RAB39A: variants seen among roughly 807,000 people sequenced by gnomAD.
The protein encoded by RAB39A is RAB39A, member RAS oncogene family, also known as ras-related protein Rab-39A.
Under a neutral mutation model 20.9 loss-of-function variants are expected in RAB39A, and 17 were observed. That is an observed-to-expected ratio of 0.81 (90% confidence interval 0.56 to 1.22). The LOEUF is 1.22. RAB39A is among the 50% of genes most tolerant of loss of function. The probability of loss-of-function intolerance (pLI) is 0.00; values close to 1 mark genes in which losing one functional copy is unlikely to be tolerated. For missense variants in RAB39A, 234 were observed against 270.5 expected (o/e 0.87, Z 0.95); for synonymous variants, 99 against 103.4 (o/e 0.96, Z 0.26).
At chr11:107,956,232 A>G (rs10789644) in intron 1 of RAB39A, among the ~76,000 whole-genome samples, 137,829 of 152,208 alleles carry the variant, frequency 0.91, 62,756 homozygotes, top group Non-Finnish European at 0.96. Context: ...TATTTCTCCT[A>G]TTTTCACAAC....
At chr11:107,943,341 G>T (rs2134959780) in intron 1 of RAB39A, among the ~76,000 whole-genome samples, 1 of 152,226 alleles carries the variant, frequency 6.6e-6, no homozygotes, top group Non-Finnish European at 1.5e-5. Context: ...GGAGGCCCAG[G>T]TGGGCGGATC....
chr11:107,951,908 C>T (rs906709824), intron 1 of RAB39A, among the ~76,000 whole-genome samples: 5 of 152,152 alleles, frequency 3.3e-5, no homozygotes, highest in Non-Finnish European at 5.9e-5. Context: ...ATATCATTTA[C>T]ATTTTTTAGA....
chr11:107,958,511 C>T (rs1301748241), intron 1 of RAB39A, among the ~76,000 whole-genome samples: 1 of 152,184 alleles, frequency 6.6e-6, no homozygotes, highest in African/African-American at 2.4e-5. Flanking sequence ...TTGATAGCAA[C>T]AGTGCCCAAT....
Position 107,962,700 on chromosome 11 carries a change from A to G in RAB39A, c.*328A>G, listed in dbSNP as rs1861511446. ...AGTTCAAATGGATTTTTGTGCATAT[A>G]TAGTCAATTGAAAAGATTTTATCAG... On this transcript the variant is annotated 3_prime_UTR_variant, in exon 2 of 2. Transcript: ENST00000320578. The G allele has an allele frequency of 4.9e-6, 1 of 202,196 alleles. No homozygotes were observed. Among genetic ancestry groups the G allele is most frequent in the Non-Finnish European group, 1.0e-5 (1 of 99,374 alleles). The allele number at this position is 202,196 out of a possible 1,614,324, so 12.5% of individuals were successfully genotyped here.
At chr11:107,941,230 A>G (rs969267865) in intron 1 of RAB39A, among the ~76,000 whole-genome samples, 3 of 152,144 alleles carry the variant, frequency 2.0e-5, no homozygotes, top group Non-Finnish European at 2.9e-5. Context: ...CTTTTAATAT[A>G]CTAATACACA....
In RAB39A at chr11:107,930,771, G is replaced by A. The variant is rs182301351; in HGVS notation, c.227+1976G>A. On this transcript the variant is annotated intron_variant, in intron 1 of 1. Transcript: ENST00000320578. ...CTCAGGAGGCTGAGGCAGGAGAATC[G>A]CTTGAACCTGGGAGGCAGAGTTTGC... Among the ~76,000 whole-genome samples the A allele has an allele frequency of 3.1e-3, 476 of 151,932 alleles. 1 individual carries two copies. The highest frequency in any genetic ancestry group is 0.014 in the Middle Eastern group (4 of 294).
At chr11:107,954,922 A>T (rs960029084) in intron 1 of RAB39A, among the ~76,000 whole-genome samples, 1 of 151,920 alleles carries the variant, frequency 6.6e-6, no homozygotes, top group African/African-American at 2.4e-5. Flanking sequence ...AGTCTCTATC[A>T]AAGCCAAGTT....
At chr11:107,954,934 T>C (rs1397242638) in intron 1 of RAB39A, among the ~76,000 whole-genome samples, 2 of 150,988 alleles carry the variant, frequency 1.3e-5, no homozygotes, top group Non-Finnish European at 2.9e-5. Flanking sequence ...AGCCAAGTTA[T>C]AAGCCAAGAA....
At chr11:107,932,848 C>A (rs796180778) in intron 1 of RAB39A, among the ~76,000 whole-genome samples, 7 of 152,172 alleles carry the variant, frequency 4.6e-5, no homozygotes, top group African/African-American at 1.7e-4. Context: ...GTAGCTGGGA[C>A]TACAGGTGTG....
intron 1 of RAB39A, among the ~76,000 whole-genome samples, chr11:107,951,347 G>GGC (rs932482314): frequency 6.6e-6 from 1 of 152,148 alleles, no homozygotes; most frequent in Non-Finnish European, 1.5e-5. Context: ...ATGTCATGCT[G>GGC]AAAAACAGGC....
At chr11:107,934,929 CAAAAAAA>C (rs55682157) in intron 1 of RAB39A, among the ~76,000 whole-genome samples, 2 of 101,640 alleles carry the variant, frequency 2.0e-5, no homozygotes, top group African/African-American at 7.6e-5. Flanking sequence ...GACTTCGTCT[CAAAAAAA>C]AAAAAAAAAA....
At chr11:107,933,901 C>G (rs1273141799) in intron 1 of RAB39A, among the ~76,000 whole-genome samples, 2 of 152,100 alleles carry the variant, frequency 1.3e-5, no homozygotes, top group East Asian at 3.9e-4. Context: ...AGTGATCCAC[C>G]CGCCTCAGCC....
intron 1 of RAB39A, among the ~76,000 whole-genome samples, chr11:107,931,614 ATATTT>A (rs1861137809): frequency 6.6e-6 from 1 of 152,172 alleles, no homozygotes; most frequent in Non-Finnish European, 1.5e-5. Context: ...ATATCATTGC[ATATTT>A]TATTTTATAG....
intron 1 of RAB39A, among the ~76,000 whole-genome samples, chr11:107,941,727 T>C (rs1358380584): frequency 6.6e-6 from 1 of 152,110 alleles, no homozygotes; most frequent in African/African-American, 2.4e-5. Flanking sequence ...ATTTCTTAGA[T>C]ATAAAAAGGC....
chr11:107,953,548 G>A (rs1861403735), intron 1 of RAB39A, among the ~76,000 whole-genome samples: 1 of 152,124 alleles, frequency 6.6e-6, no homozygotes, highest in African/African-American at 2.4e-5. Context: ...TGGCTAGTCG[G>A]CAGCTTCAGC....
intron 1 of RAB39A, among the ~76,000 whole-genome samples, chr11:107,946,696 G>C (rs60181123): frequency 6.6e-6 from 1 of 150,422 alleles, no homozygotes; most frequent in South Asian, 2.1e-4. Context: ...GGATGGTCTC[G>C]ATCTCCTGAC....
chr11:107,962,332 C>T lies in RAB39A; in HGVS notation c.614C>T (p.Ser205Phe). 6.2e-7 allele frequency: 1 copy of T among 1,611,634 alleles called. No individual in the cohort carries two copies. The highest frequency in any genetic ancestry group is 8.5e-7 in the Non-Finnish European group (1 of 1,178,212). Residue 205 changes from serine to phenylalanine, a missense_variant, in exon 2 of 2, where the codon TCT becomes TTT. Coordinates refer to ENST00000320578, the MANE Select transcript of RAB39A (RefSeq NM_017516.3). ...TTTGTTCCAAATACTGTGCATTCTT[C>T]TGAGGAAGCAGTAAAGCCCAGGAAA... ...SGFVPNTVHS[S>F]EEAVKPRKEC...
intron 1 of RAB39A, among the ~76,000 whole-genome samples, chr11:107,944,055 A>G (rs1861285296): frequency 6.6e-6 from 1 of 151,960 alleles, no homozygotes; most frequent in Non-Finnish European, 1.5e-5. Flanking sequence ...AGATCGTGCT[A>G]CTGCACTCCA....
At chr11:107,946,420 GTGTGTGTGTGTGTGTGTATATA>G (rs1216261251) in intron 1 of RAB39A, among the ~76,000 whole-genome samples, 968 of 25,594 alleles carry the variant, frequency 0.038, 33 homozygotes, top group South Asian at 0.1. Context: ...GTGTGTGTGT[GTGTGTGTGTGTGTGTGTATATA>G]TATATATATA....
Sources: gnomAD v4.1 joint callset for allele counts (sites outside exome capture counted in the v4.1 genomes callset) on GRCh38, gnomAD v4.1.1 for gene constraint, MANE v1.5 for transcripts, NCBI Gene and HGNC (gene_info 2026-07-23, HGNC 2026-07-21) for gene names.